SF3B1: variants seen among roughly 807,000 people sequenced by gnomAD.
SF3B1 encodes splicing factor 3b subunit 1.
Under a neutral mutation model 153.8 loss-of-function variants are expected in SF3B1, and 12 were observed. The observed-to-expected ratio is 0.08, with a 90% CI of 0.05 to 0.13. The LOEUF is 0.13. SF3B1 is among the 10% of genes least tolerant of loss of function. The probability of loss-of-function intolerance (pLI) is 1.00; values close to 1 mark genes in which losing one functional copy is unlikely to be tolerated. For missense variants in SF3B1, 513 were observed against 1,606.1 expected, an observed-to-expected ratio of 0.32 and a Z score of 11.63; for synonymous variants, 498 against 525.2, an observed-to-expected ratio of 0.95 and a Z score of 0.71.
At chr2:197,422,505 C>T (rs79609877) in intron 2 of SF3B1, among the ~76,000 whole-genome samples, 3 of 151,674 alleles carry the variant, frequency 2.0e-5, no homozygotes, top group African/African-American at 7.3e-5. Context: ...TGTATACATA[C>T]GTAACCTGCA....
chr2:197,424,111 C>T, intron 1 of SF3B1, 137 bp from the exon 2 acceptor site: 1 of 748,900 alleles, frequency 1.3e-6, no homozygotes, highest in Non-Finnish European at 2.1e-6. Context: ...ATATAAGAGA[C>T]TAGTAATCAC....
intron 1 of SF3B1, among the ~76,000 whole-genome samples, chr2:197,434,042 G>A (rs1011717883): frequency 2.6e-5 from 4 of 152,126 alleles, no homozygotes; most frequent in African/African-American, 9.7e-5. Context: ...AATTTTGGAT[G>A]GCCTCAGTCT....
chr2:197,421,650 T>C (rs186224933), intron 2 of SF3B1, among the ~76,000 whole-genome samples: 2 of 152,272 alleles, frequency 1.3e-5, no homozygotes, highest in African/African-American at 2.4e-5. Context: ...GGTGGGAGAA[T>C]GGCTTGAGTG....
In SF3B1 at chr2:197,399,931, T is replaced by C. The variant is rs1473242438; in HGVS notation, c.3013+124A>G. ...GACATCCCCCGACTTAACTACAATC[T>C]TGAAGTGCTTTTAAAAAGCTAACAA... On this transcript the variant is annotated intron_variant, in intron 20 of 24. Transcript: ENST00000335508. 3 of 664,712 alleles carry C rather than the reference T, an allele frequency of 4.5e-6. No individual in the cohort carries two copies. In the Admixed American group the frequency reaches 9.0e-5, roughly 20 times the overall value. The allele number at this position is 664,712 out of a possible 1,614,324, so 41.2% of individuals were successfully genotyped here. A position where few individuals can be genotyped will look rare whatever the true frequency, so the allele number is the denominator to read the frequency against.
At chr2:197,398,930 T>C in intron 20 of SF3B1, 1 of 616,308 alleles carries the variant, frequency 1.6e-6, no homozygotes, top group Non-Finnish European at 2.8e-6. Context: ...GAGGTAAACA[T>C]GTAAATAAAG....
chr2:197,397,593 C>T (rs1401031540), intron 22 of SF3B1, among the ~76,000 whole-genome samples: 2 of 152,094 alleles, frequency 1.3e-5, no homozygotes, highest in African/African-American at 2.4e-5. Flanking sequence ...GCCAGGAGTT[C>T]GAGAACAGCC....
At chr2:197,393,294 T>C (rs754955243) in intron 23 of SF3B1, 106 bp from the exon 24 acceptor site, 2 of 728,826 alleles carry the variant, frequency 2.7e-6, no homozygotes, top group Admixed American at 2.3e-5. Flanking sequence ...CACCGGCCCA[T>C]TAGAAACTAA....
intron 1 of SF3B1, among the ~76,000 whole-genome samples, chr2:197,432,909 T>C (rs1232188270): frequency 6.6e-6 from 1 of 152,116 alleles, no homozygotes. Flanking sequence ...GAAAGGAATA[T>C]GACAGCAAAA....
At chr2:197,422,740 A>T (rs1467816982) in intron 2 of SF3B1, among the ~76,000 whole-genome samples, 1 of 152,002 alleles carries the variant, frequency 6.6e-6, no homozygotes, top group African/African-American at 2.4e-5. Flanking sequence ...AATACAAAAA[A>T]TTAGCCGGAC....
Position 197,417,125 on chromosome 2 carries a change from A to G in SF3B1, c.496-214T>C, listed in dbSNP as rs144764213. ...TTCTAAACAAAAGATAAGCAAGTTCAGAATTCGTAACATAGCACACTGTAG... is the reference window on the plus strand; with the variant it reads ...TTCTAAACAAAAGATAAGCAAGTTCGGAATTCGTAACATAGCACACTGTAG... On this transcript the variant is annotated intron_variant, in intron 5 of 24. Transcript: ENST00000335508. Among the ~76,000 whole-genome samples, 1,408 of 152,328 alleles carry G rather than the reference A, an allele frequency of 9.2e-3. 14 individuals carry two copies. Among genetic ancestry groups the G allele is most frequent in the South Asian group, 0.038 (183 of 4,832 alleles).
intron 1 of SF3B1, among the ~76,000 whole-genome samples, chr2:197,431,267 G>A (rs1325070584): frequency 2.0e-5 from 3 of 151,914 alleles, no homozygotes; most frequent in Non-Finnish European, 4.4e-5. Context: ...ACAGGCTCAC[G>A]CCACCATGCC....
intron 12 of SF3B1, 93 bp downstream of exon 12, chr2:197,403,492 G>C: frequency 1.3e-6 from 1 of 780,024 alleles, no homozygotes; most frequent in Non-Finnish European, 2.0e-6. Flanking sequence ...CTTGTGCAAA[G>C]GAAAAGGTCT....
At position 197,402,322 on chromosome 2, in the gene SF3B1, A is replaced by G. The variant is rs2084943967; in HGVS notation, c.2078-192T>C. 1 of 737,716 alleles carries G rather than the reference A, an allele frequency of 1.4e-6. No homozygotes were observed. Among genetic ancestry groups the G allele is most frequent in the African/African-American group, 1.8e-5 (1 of 56,398 alleles). The allele number at this position is 737,716 out of a possible 1,614,324, so 45.7% of individuals were successfully genotyped here. On this transcript the variant is annotated intron_variant, in intron 14 of 24. Transcript: ENST00000335508. The surrounding 1 kb of genome is among the most constrained non-coding windows in gnomAD (Gnocchi z 4.6). ...ATATAACAAACCCATCATAAAATCTATAGTTTGTAGAGCTATGCCTTTCCA... is the reference window on the plus strand; with the variant it reads ...ATATAACAAACCCATCATAAAATCTGTAGTTTGTAGAGCTATGCCTTTCCA...
At chr2:197,435,084 G>C (rs374530761), upstream of SF3B1, 1 of 1,596,884 alleles carries the variant, frequency 6.3e-7, no homozygotes, top group East Asian at 2.2e-5. Flanking sequence ...ATAGCTGGGG[G>C]CTGCACTCTG....
intron 9 of SF3B1, among the ~76,000 whole-genome samples, chr2:197,405,824 T>C (rs1221539419): frequency 1.3e-5 from 2 of 152,128 alleles, no homozygotes; most frequent in African/African-American, 4.8e-5. Context: ...CAAATAATGT[T>C]TCATAAGATT....
chr2:197,430,208 G>A (rs1440989596), intron 1 of SF3B1, among the ~76,000 whole-genome samples: 1 of 152,148 alleles, frequency 6.6e-6, no homozygotes, highest in Non-Finnish European at 1.5e-5. Context: ...GGGTAAAACA[G>A]AACAGTGACT....
rs1459385417 is a variant in SF3B1, at chr2:197,402,203, C to G, written c.2078-73G>C. On this transcript the variant is annotated intron_variant, in intron 14 of 24. Transcript: ENST00000335508. This position sits in a 1 kb window ranked among gnomAD's most constrained non-coding sequence, Gnocchi z 4.6. The stretch of plus-strand genomic sequence containing the variant: ...TTACACAATATCATCCAGATTCTCT[C>G]AATATATCAACTATTCAGCCAAACT... 4 of 1,515,166 alleles carry G rather than the reference C, an allele frequency of 2.6e-6. No individual in the cohort carries two copies. In the East Asian group the frequency reaches 9.1e-5, roughly 35 times the overall value. 93.9% of individuals were successfully genotyped at this position (1,515,166 alleles called of 1,614,324 possible).
intron 4 of SF3B1, 56 bp downstream of exon 4, chr2:197,420,372 G>GGGCT (rs750179308): frequency 1.0e-5 from 14 of 1,353,700 alleles, no homozygotes; most frequent in Non-Finnish European, 1.4e-5. Flanking sequence ...AAGGGCTAAA[G>GGGCT]ACAACTTAAT....
intron 23 of SF3B1, chr2:197,393,446 TC>T: frequency 4.2e-6 from 2 of 475,624 alleles, no homozygotes; most frequent in South Asian, 6.1e-5. Context: ...AGCCATATTT[TC>T]TAATTAACTT....
Sources: allele counts gnomAD v4.1 joint callset (sites outside exome capture counted in the v4.1 genomes callset), GRCh38; gene constraint gnomAD v4.1.1; non-coding constraint Gnocchi (gnomAD v3.1); transcripts MANE v1.5; gene names NCBI Gene and HGNC (gene_info 2026-07-23, HGNC 2026-07-21).